Variants in PDE12 observed in about 807,000 individuals in gnomAD.
PDE12 encodes the protein 2',5'-phosphodiesterase 12.
A neutral mutation model predicts 45.4 loss-of-function variants in PDE12; 26 were observed. The ratio of observed to expected loss-of-function variants is 0.57; its 90% CI spans 0.42 to 0.79. PDE12 has a LOEUF of 0.79. Ranked by LOEUF, PDE12 falls within the 30% of genes least tolerant of loss-of-function variation. The pLI is 0.00. For missense variants in PDE12, 668 were observed against 790.0 expected, an observed-to-expected ratio of 0.85 and a Z score of 1.85; for synonymous variants, 283 against 323.9, an observed-to-expected ratio of 0.87 and a Z score of 1.36.
chr3:57,635,638 C>G, the PDE12 span, among the ~76,000 whole-genome samples: 1 of 152,110 alleles, frequency 6.6e-6, no homozygotes, highest in Non-Finnish European at 1.5e-5. Flanking sequence ...TTACATAGAT[C>G]AAACTGCTAA....
chr3:57,625,039 G>C, the PDE12 span, among the ~76,000 whole-genome samples: 1 of 152,064 alleles, frequency 6.6e-6, no homozygotes, highest in East Asian at 1.9e-4. Flanking sequence ...GAGTAGCTGA[G>C]ACTGCAGGCA....
chr3:57,584,351 T>C, the PDE12 span: 3 of 1,477,922 alleles, frequency 2.0e-6, no homozygotes, highest in Non-Finnish European at 9.4e-7. Flanking sequence ...TTACAACATA[T>C]CATGATATAA....
At chr3:57,588,195 G>C in the PDE12 span, among the ~76,000 whole-genome samples, 1 of 152,148 alleles carries the variant, frequency 6.6e-6, no homozygotes, top group African/African-American at 2.4e-5. Context: ...TGTATTTAAA[G>C]ATGTACTGGA....
chr3:57,594,018 G>A, the PDE12 span, among the ~76,000 whole-genome samples: 3 of 152,156 alleles, frequency 2.0e-5, no homozygotes, highest in Admixed American at 6.6e-5. Flanking sequence ...CACTTTGGGA[G>A]GCCAAGGCAG....
At position 57,560,784 on chromosome 3, in the gene PDE12, A is replaced by G. The variant is rs561034467; in HGVS notation, c.*780A>G. The G allele has an allele frequency of 1.0e-6, 1 of 985,598 alleles. No individual in the cohort carries two copies. Among genetic ancestry groups the G allele is most frequent in the East Asian group, 1.1e-4 (1 of 8,814 alleles). The allele number at this position is 985,598 out of a possible 1,614,324, so 61.1% of individuals were successfully genotyped here. On this transcript the variant is annotated 3_prime_UTR_variant, in exon 3 of 3. Coordinates refer to ENST00000311180, the MANE Select transcript of PDE12 (RefSeq NM_177966.7). Reference sequence around the variant, plus strand: ...AATGTATTTAAGTTAAGGGTGAGAGACTTAAGTTATAGGTGACCTTAGAGA... The same window carrying G: ...AATGTATTTAAGTTAAGGGTGAGAGGCTTAAGTTATAGGTGACCTTAGAGA...
chr3:57,571,503 T>C (rs183962464), downstream of PDE12: 16 of 152,712 alleles, frequency 1.0e-4, no homozygotes, highest in African/African-American at 3.9e-4. Flanking sequence ...AACTATCATA[T>C]ACTGAGCAAA....
At position 57,562,244 on chromosome 3, in the gene PDE12, T is replaced by A; in HGVS notation, c.*2240T>A. On this transcript the variant is annotated 3_prime_UTR_variant, in exon 3 of 3. Coordinates refer to ENST00000311180, the MANE Select transcript of PDE12 (RefSeq NM_177966.7). ...CATTAACACTGGCTAGATTAAACTC[T>A]AGTCAGAAAAACTCAGCACTTAACA... The A allele has an allele frequency of 2.7e-6, 1 of 373,082 alleles. No individual in the cohort carries two copies. The highest frequency in any genetic ancestry group is 3.7e-6 in the Non-Finnish European group (1 of 270,302). 23.1% of individuals were successfully genotyped at this position (373,082 alleles called of 1,614,324 possible). A position where few individuals can be genotyped will look rare whatever the true frequency, so the allele number is the denominator to read the frequency against.
At chr3:57,628,212 T>A in the PDE12 span, 2 of 1,610,912 alleles carry the variant, frequency 1.2e-6, no homozygotes, top group African/African-American at 2.7e-5. Context: ...TCTTGGCAAA[T>A]ATCATGTCAT....
chr3:57,617,406 A>G, the PDE12 span, among the ~76,000 whole-genome samples: 2 of 152,104 alleles, frequency 1.3e-5, no homozygotes, highest in Non-Finnish European at 2.9e-5. Flanking sequence ...CCTGTCTAAT[A>G]AAAAGTAGTA....
chr3:57,603,653 G>A, the PDE12 span, among the ~76,000 whole-genome samples: 4 of 129,894 alleles, frequency 3.1e-5, 1 homozygote, highest in Non-Finnish European at 6.4e-5. Flanking sequence ...ATGAAGTTTC[G>A]CTCTTATTGC....
In PDE12 at chr3:57,561,004, GT is replaced by G. The variant is rs2069722999; in HGVS notation, c.*1005del. The G allele has an allele frequency of 1.0e-6, 1 of 976,590 alleles. No homozygotes were observed. Among genetic ancestry groups the G allele is most frequent in the Non-Finnish European group, 1.2e-6 (1 of 821,700 alleles). 60.5% of individuals were successfully genotyped at this position (976,590 alleles called of 1,614,324 possible). A position where few individuals can be genotyped will look rare whatever the true frequency, so the allele number is the denominator to read the frequency against. ...TTTCATTCTTATTTTTAGGATTTTA[GT>G]TTTTAGTGTATGGTACAAATGAACA... is the stretch of plus-strand genomic sequence containing the variant. On this transcript the variant is annotated 3_prime_UTR_variant, in exon 3 of 3. Coordinates refer to ENST00000311180, the MANE Select transcript of PDE12 (RefSeq NM_177966.7).
the PDE12 span, among the ~76,000 whole-genome samples, chr3:57,649,530 T>TA: frequency 0.81 from 113,155 of 139,128 alleles, 45,294 homozygotes; most frequent in East Asian, 0.98. Flanking sequence ...AAGGAAGTCA[T>TA]AAAAAAAAAA....
At chr3:57,627,504 C>A in the PDE12 span, 5 of 151,956 alleles carry the variant, frequency 3.3e-5, no homozygotes, top group African/African-American at 1.2e-4. Flanking sequence ...ATACTAGATG[C>A]CTTCTTGTCT....
the PDE12 span, among the ~76,000 whole-genome samples, chr3:57,579,186 G>A: frequency 6.2e-5 from 9 of 145,568 alleles, no homozygotes; most frequent in East Asian, 2.1e-4. Flanking sequence ...CTTGGCAGGC[G>A]GAGGCTGCAG....
rs990336782 is a variant in PDE12, at chr3:57,556,638, G to A, written c.259G>A (p.Ala87Thr). The stretch of plus-strand genomic sequence containing the variant: ...CGCTACCAATGCCCTAAAGGGTCAC[G>A]CTAAGGCGGCCGCCGCCAAGAAGAG... ...RIATNALKGHAKAAAAKKSRK... is the reference protein window; with the variant it reads ...RIATNALKGHTKAAAAKKSRK... The change falls in exon 1 of 3, where the codon GCT (alanine) becomes ACT (threonine). Residue 87 changes from alanine (A) to threonine (T), a missense_variant. Around this residue, in one of 3 missense-constraint regions of PDE12, gnomAD observed 580 missense variants for 662.9 expected, o/e 0.87. Transcript: ENST00000311180. The surrounding 1 kb of genome is among the most constrained non-coding windows in gnomAD (Gnocchi z 5.0). 3.1e-6 allele frequency: 5 copies of A among 1,603,058 alleles called. No homozygotes were observed. The highest frequency in any genetic ancestry group is 4.3e-6 in the Non-Finnish European group (5 of 1,172,306).
the PDE12 span, among the ~76,000 whole-genome samples, chr3:57,603,050 C>T: frequency 6.6e-6 from 1 of 151,694 alleles, no homozygotes; most frequent in African/African-American, 2.4e-5. Context: ...GCCTGTAATC[C>T]CAACTACTCA....
At chr3:57,607,501 A>G in the PDE12 span, among the ~76,000 whole-genome samples, 1 of 152,162 alleles carries the variant, frequency 6.6e-6, no homozygotes, top group Non-Finnish European at 1.5e-5. Flanking sequence ...AAAAAAGATT[A>G]GATGAATGGC....
At chr3:57,599,205 A>G in the PDE12 span, among the ~76,000 whole-genome samples, 1 of 152,222 alleles carries the variant, frequency 6.6e-6, no homozygotes, top group Non-Finnish European at 1.5e-5. Flanking sequence ...CTTCCAGGGC[A>G]TAGATAGATA....
At chr3:57,655,322 T>C in the PDE12 span, among the ~76,000 whole-genome samples, 1,562 of 152,320 alleles carry the variant, frequency 0.01, 13 homozygotes, top group Non-Finnish European at 0.017. Context: ...CGTGAGCCAC[T>C]GCATCTGGCG....
Sources: allele counts gnomAD v4.1 joint callset (sites outside exome capture counted in the v4.1 genomes callset), GRCh38; gene constraint gnomAD v4.1.1; regional missense constraint gnomAD v4.1.1; non-coding constraint Gnocchi (gnomAD v3.1); transcripts MANE v1.5; gene names NCBI Gene and HGNC (gene_info 2026-07-23, HGNC 2026-07-21).